PRMT8: variants seen among roughly 807,000 people sequenced by gnomAD.
PRMT8 encodes the protein protein arginine methyltransferase 8, also known as protein arginine N-methyltransferase 8.
Under a neutral mutation model 47.1 loss-of-function variants are expected in PRMT8, and 7 were observed. The ratio of observed to expected loss-of-function variants is 0.15; its 90% confidence interval spans 0.08 to 0.28. PRMT8 has a LOEUF of 0.28. Among genes scored for constraint, PRMT8 ranks in the 10% least tolerant of loss-of-function variants. The probability of loss-of-function intolerance (pLI) is 1.00; values close to 1 mark genes in which losing one functional copy is unlikely to be tolerated. For synonymous variants in PRMT8, 188 were observed against 186.5 expected (o/e 1.01, Z -0.07); for missense variants, 237 against 505.4 (o/e 0.47, Z 5.09).
At chr12:3,575,508 C>G (rs908837652) in intron 6 of PRMT8, among the ~76,000 whole-genome samples, 3 of 152,212 alleles carry the variant, frequency 2.0e-5, no homozygotes, top group African/African-American at 7.2e-5. Flanking sequence ...GCTGTCACGG[C>G]TGGGCCATGG....
At chr12:3,548,210 G>A (rs1251709591) in intron 2 of PRMT8, among the ~76,000 whole-genome samples, 3 of 152,100 alleles carry the variant, frequency 2.0e-5, no homozygotes, top group East Asian at 3.8e-4. Context: ...AATTTGACAT[G>A]TAAAAGCCAC....
chr12:3,485,233 T>C (rs1488493507), intron 1 of PRMT8, among the ~76,000 whole-genome samples: 1 of 152,216 alleles, frequency 6.6e-6, no homozygotes, highest in African/African-American at 2.4e-5. Flanking sequence ...CTCATGAGCC[T>C]TTCCCCAGGC....
Position 3,453,506 on chromosome 12 carries a change from T to C in PRMT8, c.48+72064T>C, listed in dbSNP as rs957813532. On this transcript the variant is annotated intron_variant, in intron 1 of 9. Coordinates refer to the PRMT8 transcript ENST00000452611. This position sits in a 1 kb window ranked among gnomAD's most constrained non-coding sequence, Gnocchi z 4.9. Reference sequence around the variant, plus strand: ...GACTGTGCGGTGCCGTAGGACATGATTTCTGACCTCAGAGGCCCTGCTTTC... The same window carrying C: ...GACTGTGCGGTGCCGTAGGACATGACTTCTGACCTCAGAGGCCCTGCTTTC... Among the ~76,000 whole-genome samples the C allele has an allele frequency of 1.1e-4, 17 of 152,308 alleles. No homozygotes were observed. Among genetic ancestry groups the C allele is most frequent in the African/African-American group, 3.8e-4 (16 of 41,566 alleles).
At chr12:3,494,858 T>C (rs914183398) in intron 1 of PRMT8, among the ~76,000 whole-genome samples, 1 of 152,192 alleles carries the variant, frequency 6.6e-6, no homozygotes, top group African/African-American at 2.4e-5. Flanking sequence ...TAACTTGAGC[T>C]GATTCTCCTC....
At chr12:3,543,889 C>A (rs905588728) in intron 2 of PRMT8, among the ~76,000 whole-genome samples, 10 of 152,146 alleles carry the variant, frequency 6.6e-5, no homozygotes, top group African/African-American at 2.4e-4. Flanking sequence ...CCTCCCAGAC[C>A]CCAGCTCTGA....
intron 1 of PRMT8, among the ~76,000 whole-genome samples, chr12:3,470,385 A>G (rs543511102): frequency 9.2e-5 from 14 of 152,162 alleles, no homozygotes; most frequent in Non-Finnish European, 1.8e-4. Context: ...GACAGTGCTG[A>G]GTCCAGGTGG....
chr12:3,543,267 T>A (rs918643247), intron 2 of PRMT8, among the ~76,000 whole-genome samples: 2 of 152,178 alleles, frequency 1.3e-5, no homozygotes, highest in African/African-American at 4.8e-5. Context: ...TTTTACCCTG[T>A]TTTCAGTTTC....
At chr12:3,459,961 C>T (rs1215286318) in intron 1 of PRMT8, among the ~76,000 whole-genome samples, 3 of 152,182 alleles carry the variant, frequency 2.0e-5, no homozygotes, top group Non-Finnish European at 2.9e-5. Flanking sequence ...ATTACGTTCA[C>T]GTCAAACCCT....
At chr12:3,396,583 C>T (rs1864251320) in intron 1 of PRMT8, among the ~76,000 whole-genome samples, 1 of 152,232 alleles carries the variant, frequency 6.6e-6, no homozygotes, top group Non-Finnish European at 1.5e-5. Flanking sequence ...GAAAGATCCA[C>T]TGTTAGTCTG....
intron 1 of PRMT8, among the ~76,000 whole-genome samples, chr12:3,525,378 G>T (rs933627976): frequency 2.6e-5 from 4 of 152,182 alleles, no homozygotes; most frequent in Non-Finnish European, 4.4e-5. Flanking sequence ...GGCCTTGTGG[G>T]TATGCAGAGG....
At chr12:3,563,420 G>A (rs1480272131) in intron 4 of PRMT8, among the ~76,000 whole-genome samples, 1 of 151,990 alleles carries the variant, frequency 6.6e-6, no homozygotes, top group East Asian at 1.9e-4. Flanking sequence ...CCACCCTGAG[G>A]CTTCATGACA....
At chr12:3,588,958 G>A (rs570056717) in intron 8 of PRMT8, among the ~76,000 whole-genome samples, 23 of 152,136 alleles carry the variant, frequency 1.5e-4, no homozygotes, top group Non-Finnish European at 2.5e-4. Context: ...TTTCCTGAGC[G>A]CCCACCCTTG....
At position 3,540,712 on chromosome 12, in the gene PRMT8, T is replaced by C; in HGVS notation, c.182T>C (p.Met61Thr). Reference sequence around the variant, plus strand: ...CCCAGCTGCCCAGGACGGGGCAAGATGTCCAAGCTGCTGAACCCAGAGGAG... The same window carrying C: ...CCCAGCTGCCCAGGACGGGGCAAGACGTCCAAGCTGCTGAACCCAGAGGAG... The part of the protein sequence containing the change: ...TQPSCPGRGK[M>T]SKLLNPEEMT... The change falls in exon 2 of 10, where the codon ATG becomes ACG. Residue 61 changes from methionine to threonine, a missense_variant. Met to Thr is a moderately conservative substitution (Grantham distance 81). Around this residue, in one of 5 missense-constraint regions of PRMT8, gnomAD observed 32 missense variants for 73.7 expected, o/e 0.43. Transcript: ENST00000382622. The C allele has an allele frequency of 6.3e-7, 1 of 1,576,256 alleles. No individual in the cohort carries two copies. The highest frequency in any genetic ancestry group is 8.6e-7 in the Non-Finnish European group (1 of 1,157,308).
At chr12:3,486,710 G>A (rs932126301), upstream of PRMT8, among the ~76,000 whole-genome samples, 2 of 152,124 alleles carry the variant, frequency 1.3e-5, no homozygotes, top group African/African-American at 4.8e-5. Flanking sequence ...GAGAAAGGTA[G>A]GTAACAAGAG....
chr12:3,540,523 G>C (rs1047698890), intron 1 of PRMT8, 83 bp from the exon 2 acceptor site: 3 of 924,804 alleles, frequency 3.2e-6, no homozygotes, highest in Non-Finnish European at 1.7e-6. Context: ...GCTCAGGGAG[G>C]GGGAAGGAAA....
chr12:3,540,541 G>A (rs867649687), intron 1 of PRMT8, 65 bp from the exon 2 acceptor site: 53 of 1,120,212 alleles, frequency 4.7e-5, no homozygotes, highest in East Asian at 3.1e-4. Flanking sequence ...AAAGAGGACC[G>A]CAAGCCTCCG....
At chr12:3,442,124 G>A (rs995044988) in intron 1 of PRMT8, among the ~76,000 whole-genome samples, 9 of 152,102 alleles carry the variant, frequency 5.9e-5, no homozygotes, top group Non-Finnish European at 1.3e-4. Flanking sequence ...GTGTGAAAAC[G>A]GATTGGGCAA....
chr12:3,549,032 A>G (rs972095323), intron 2 of PRMT8, among the ~76,000 whole-genome samples: 1 of 152,238 alleles, frequency 6.6e-6, no homozygotes, highest in African/African-American at 2.4e-5. Flanking sequence ...CAAAAACTTT[A>G]TGTTGCACAA....
rs956107343 is a variant in PRMT8, at chr12:3,409,779, G to C, written c.48+28337G>C. On this transcript the variant is annotated intron_variant, in intron 1 of 9. Coordinates refer to the PRMT8 transcript ENST00000452611. This position sits in a 1 kb window ranked among gnomAD's most constrained non-coding sequence, Gnocchi z 4.4. ...GGGAGCCACTTCAGCTCAGGTGCTG[G>C]GGTTGTGACTGCTCTGGGTAGCTAA... Among the ~76,000 whole-genome samples the C allele has an allele frequency of 2.0e-5, 3 of 152,130 alleles. No homozygotes were observed. The highest frequency in any genetic ancestry group is 7.2e-5 in the African/African-American group (3 of 41,430).
Sources: gnomAD v4.1 joint callset for allele counts (sites outside exome capture counted in the v4.1 genomes callset) on GRCh38, gnomAD v4.1.1 for gene constraint, gnomAD v4.1.1 regional missense constraint, Gnocchi (gnomAD v3.1) non-coding constraint, MANE v1.5 for transcripts, NCBI Gene and HGNC (gene_info 2026-07-23, HGNC 2026-07-21) for gene names.